STAC: variants seen among roughly 807,000 people sequenced by gnomAD.
The protein encoded by STAC is SH3 and cysteine rich domain, also known as SH3 and cysteine-rich domain-containing protein.
STAC carries 43 observed loss-of-function variants against 48.8 expected under a neutral mutation model. That is an observed-to-expected ratio of 0.88 (90% confidence interval 0.69 to 1.14). The LOEUF (loss-of-function observed/expected upper bound fraction) is 1.14, where lower values mean the gene tolerates loss of function less well. Among genes scored for constraint, STAC ranks in the 50% most tolerant of loss-of-function variants. The pLI is 0.00. For synonymous variants in STAC, 193 were observed against 179.5 expected (o/e 1.07, Z -0.60); for missense variants, 497 against 504.0 (o/e 0.99, Z 0.13).
At chr3:36,410,172 G>C (rs1430271843) in intron 1 of STAC, among the ~76,000 whole-genome samples, 1 of 152,024 alleles carries the variant, frequency 6.6e-6, no homozygotes, top group Non-Finnish European at 1.5e-5. Flanking sequence ...GGAAGTGAGG[G>C]AATAAGAAAA....
intron 1 of STAC, among the ~76,000 whole-genome samples, chr3:36,410,294 C>T (rs928929678): frequency 3.9e-5 from 6 of 152,068 alleles, no homozygotes; most frequent in Non-Finnish European, 7.4e-5. Flanking sequence ...TTATGTGTTT[C>T]GTGGGTATGT....
At chr3:36,484,841 T>C (rs771083134) in intron 3 of STAC, 136 bp from the exon 4 acceptor site, 18 of 561,176 alleles carry the variant, frequency 3.2e-5, no homozygotes, top group Non-Finnish European at 4.5e-5. Flanking sequence ...TGTGGAATTA[T>C]AGGATAAGTC....
intron 8 of STAC, among the ~76,000 whole-genome samples, chr3:36,516,369 G>C (rs1481217316): frequency 6.6e-6 from 1 of 151,946 alleles, no homozygotes. Flanking sequence ...CTGCCCTCTT[G>C]TTCTTAGGTG....
intron 1 of STAC, among the ~76,000 whole-genome samples, chr3:36,390,461 T>TTTTTTTTTTTTTTTTTTTTG: frequency 6.8e-6 from 1 of 147,378 alleles, no homozygotes; most frequent in Non-Finnish European, 1.5e-5. Flanking sequence ...CTTTTTTTTT[T>TTTTTTTTTTTTTTTTTTTTG]TTTTTTTTTT....
intron 1 of STAC, among the ~76,000 whole-genome samples, chr3:36,420,960 A>G (rs1700435599): frequency 6.6e-6 from 1 of 152,146 alleles, no homozygotes; most frequent in Non-Finnish European, 1.5e-5. Flanking sequence ...GTTTTCTCTG[A>G]TCATAAATGG....
chr3:36,391,585 TA>T (rs1699752510), intron 1 of STAC, among the ~76,000 whole-genome samples: 1 of 152,184 alleles, frequency 6.6e-6, no homozygotes, highest in South Asian at 2.1e-4. Context: ...TCTTTGTTGT[TA>T]ATTTGTTTTT....
chr3:36,461,925 G>A (rs1697029589), intron 2 of STAC, among the ~76,000 whole-genome samples: 1 of 152,136 alleles, frequency 6.6e-6, no homozygotes, highest in Admixed American at 6.6e-5. Context: ...GTAATTAACA[G>A]GACATGGATC....
At chr3:36,416,016 G>C (rs1392062175) in intron 1 of STAC, among the ~76,000 whole-genome samples, 1 of 151,966 alleles carries the variant, frequency 6.6e-6, no homozygotes, top group Non-Finnish European at 1.5e-5. Flanking sequence ...ATCTAGTTGG[G>C]CTATTACTCT....
chr3:36,450,718 T>C (rs1109733), intron 2 of STAC, among the ~76,000 whole-genome samples: 106,543 of 151,690 alleles, frequency 0.7, 37,940 homozygotes, highest in African/African-American at 0.82. Context: ...TAGAGATGGG[T>C]TTCACCATGT....
intron 3 of STAC, among the ~76,000 whole-genome samples, chr3:36,484,526 A>G (rs1011717805): frequency 3.3e-5 from 5 of 152,234 alleles, no homozygotes; most frequent in African/African-American, 9.6e-5. Flanking sequence ...GATTCTGGCT[A>G]AAGCTCTTCA....
At chr3:36,545,438 T>C (rs1312541537) in intron 10 of STAC, among the ~76,000 whole-genome samples, 1 of 152,208 alleles carries the variant, frequency 6.6e-6, no homozygotes, top group African/African-American at 2.4e-5. Flanking sequence ...AGGAACCCTG[T>C]GTCAGGTTCT....
chr3:36,423,274 C>G (rs1700487667), intron 1 of STAC, among the ~76,000 whole-genome samples: 1 of 151,866 alleles, frequency 6.6e-6, no homozygotes, highest in Non-Finnish European at 1.5e-5. Context: ...CTTTATCAGC[C>G]AGAAGCTTAG....
intron 1 of STAC, among the ~76,000 whole-genome samples, chr3:36,441,867 C>T (rs1287818012): frequency 6.6e-6 from 1 of 152,090 alleles, no homozygotes; most frequent in African/African-American, 2.4e-5. Context: ...TATTTGTCAG[C>T]CATTTGTATG....
chr3:36,398,363 G>GAAAGAAAGAAAGAAAGAAAGAAAGA (rs1553631483), intron 1 of STAC, among the ~76,000 whole-genome samples: 15 of 124,964 alleles, frequency 1.2e-4, no homozygotes, highest in East Asian at 2.5e-4. Context: ...AAGAAAGAAA[G>GAAAGAAAGAAAGAAAGAAAGAAAGA]AAAGAAAAGA....
chr3:36,502,220 C>T (rs1322934384), intron 6 of STAC, among the ~76,000 whole-genome samples: 1 of 152,090 alleles, frequency 6.6e-6, no homozygotes, highest in African/African-American at 2.4e-5. Flanking sequence ...ACATAATAGA[C>T]ATATTCTTTG....
chr3:36,480,505 T>A (rs1244457122), intron 2 of STAC, among the ~76,000 whole-genome samples: 1 of 152,194 alleles, frequency 6.6e-6, no homozygotes, highest in Non-Finnish European at 1.5e-5. Flanking sequence ...CCAGGTTGCA[T>A]GCCAGGTTCT....
intron 2 of STAC, among the ~76,000 whole-genome samples, chr3:36,449,424 C>A (rs191600153): frequency 6.6e-6 from 1 of 152,276 alleles, no homozygotes. Flanking sequence ...GAATTTCTAA[C>A]ACTCGCAAGG....
intron 8 of STAC, among the ~76,000 whole-genome samples, chr3:36,520,726 G>A (rs949353533): frequency 1.3e-5 from 2 of 152,206 alleles, no homozygotes; most frequent in African/African-American, 4.8e-5. Context: ...ATGCTCTGAT[G>A]CTGCACTATG....
intron 1 of STAC, among the ~76,000 whole-genome samples, chr3:36,437,281 T>A (rs1462146031): frequency 6.6e-5 from 10 of 151,210 alleles, no homozygotes; most frequent in African/African-American, 2.4e-4. Context: ...ACTGGGTATA[T>A]ACCCAAAGGA....
Sources: allele counts gnomAD v4.1 joint callset (sites outside exome capture counted in the v4.1 genomes callset), GRCh38; gene constraint gnomAD v4.1.1; transcripts MANE v1.5; gene names NCBI Gene and HGNC (gene_info 2026-07-23, HGNC 2026-07-21).